The following ADAMTS16 variants were observed in gnomAD, a reference collection of about 807,000 sequenced individuals.
ADAMTS16 encodes the protein A disintegrin and metalloproteinase with thrombospondin motifs 16.
A neutral mutation model predicts 145.8 loss-of-function variants in ADAMTS16; 94 were observed. The observed-to-expected ratio is 0.64, with a 90% CI of 0.55 to 0.77. The LOEUF is 0.77. Ranked by LOEUF, ADAMTS16 falls within the 30% of genes least tolerant of loss-of-function variation. The pLI, the probability that ADAMTS16 is intolerant of heterozygous loss-of-function variation, is 0.00. For missense variants in ADAMTS16, 1,585 were observed against 1,591.5 expected, an observed-to-expected ratio of 1.00 and a Z score of 0.07; for synonymous variants, 659 against 604.3, an observed-to-expected ratio of 1.09 and a Z score of -1.33.
chr5:5,224,522 C>A (rs935148110), intron 11 of ADAMTS16, among the ~76,000 whole-genome samples: 2 of 152,162 alleles, frequency 1.3e-5, no homozygotes, highest in Non-Finnish European at 2.9e-5. Flanking sequence ...ACCCCTTGAC[C>A]TCGTGATCCA....
At chr5:5,235,925 T>A (rs1737093188) in intron 13 of ADAMTS16, among the ~76,000 whole-genome samples, 1 of 152,230 alleles carries the variant, frequency 6.6e-6, no homozygotes, top group Admixed American at 6.5e-5. Flanking sequence ...CAGTGTCAGG[T>A]TCATGCAGTT....
chr5:5,212,214 GT>G (rs563286650), intron 10 of ADAMTS16, among the ~76,000 whole-genome samples: 11 of 100,596 alleles, frequency 1.1e-4, no homozygotes, highest in Admixed American at 1.3e-4. Context: ...GTTTTGTTTT[GT>G]TTTTTTTTTT....
In ADAMTS16 at chr5:5,220,360, G is replaced by A. The variant is rs573824486; in HGVS notation, c.1606-2429G>A. Among the ~76,000 whole-genome samples, 46 of 150,182 alleles carry A rather than the reference G, an allele frequency of 3.1e-4. 1 individual carries two copies. The East Asian group carries it at 8.3e-3, about 27-fold the overall frequency. On this transcript the variant is annotated intron_variant, in intron 10 of 22. Coordinates refer to ENST00000274181, the MANE Select transcript of ADAMTS16 (RefSeq NM_139056.4). ...ATTTTTAGTAGAGACGGGTTTCACT[G>A]TGTTAGCCAGGATGATCTCGATCTC...
chr5:5,155,358 C>T (rs1178763056), intron 3 of ADAMTS16, among the ~76,000 whole-genome samples: 1 of 152,160 alleles, frequency 6.6e-6, no homozygotes, highest in African/African-American at 2.4e-5. Context: ...TTCTGTTTGG[C>T]ATTTATTATT....
chr5:5,260,080 CT>C (rs1405491400), intron 17 of ADAMTS16, among the ~76,000 whole-genome samples: 2 of 152,234 alleles, frequency 1.3e-5, no homozygotes, highest in African/African-American at 4.8e-5. Context: ...TATTGCCTTT[CT>C]GTTGCCCCAA....
chr5:5,168,628 T>A (rs1376775386), intron 3 of ADAMTS16, among the ~76,000 whole-genome samples: 1 of 85,044 alleles, frequency 1.2e-5, no homozygotes, highest in Non-Finnish European at 2.6e-5. Context: ...TATTATATTA[T>A]ATATAATATA....
intron 3 of ADAMTS16, among the ~76,000 whole-genome samples, chr5:5,151,297 T>A (rs1734450404): frequency 6.6e-6 from 1 of 151,814 alleles, no homozygotes; most frequent in Non-Finnish European, 1.5e-5. Context: ...GGAGTGCAAT[T>A]GCACAATCTC....
chr5:5,144,611 TA>T (rs1734246806), intron 2 of ADAMTS16, among the ~76,000 whole-genome samples: 1 of 152,212 alleles, frequency 6.6e-6, no homozygotes, highest in African/African-American at 2.4e-5. Flanking sequence ...CAGGTCAAAG[TA>T]TTTTGCAACT....
chr5:5,204,403 C>T (rs569545045), intron 9 of ADAMTS16, among the ~76,000 whole-genome samples: 144 of 152,142 alleles, frequency 9.5e-4, no homozygotes, highest in African/African-American at 3.3e-3. Flanking sequence ...GCATGATGAA[C>T]GCAATAGTGT....
At chr5:5,146,049 A>G in intron 2 of ADAMTS16, 81 bp from the exon 3 acceptor site, 1 of 1,257,768 alleles carries the variant, frequency 8.0e-7, no homozygotes, top group Non-Finnish European at 1.1e-6. Context: ...CATGTGGTAA[A>G]ATAATATTAT....
chr5:5,296,279 C>A (rs1739526016), intron 18 of ADAMTS16, among the ~76,000 whole-genome samples: 1 of 152,290 alleles, frequency 6.6e-6, no homozygotes, highest in East Asian at 1.9e-4. Flanking sequence ...TGTGCAGGAC[C>A]AGACAGCCTG....
At chr5:5,300,726 G>A (rs1267005103) in intron 18 of ADAMTS16, among the ~76,000 whole-genome samples, 2 of 152,134 alleles carry the variant, frequency 1.3e-5, no homozygotes, top group Admixed American at 6.5e-5. Flanking sequence ...CTCCTTCGAG[G>A]TTCTACCACC....
At chr5:5,298,290 G>A (rs976347711) in intron 18 of ADAMTS16, among the ~76,000 whole-genome samples, 2 of 152,220 alleles carry the variant, frequency 1.3e-5, no homozygotes, top group Non-Finnish European at 2.9e-5. Context: ...CATCGTGTGT[G>A]GGCACAGTGC....
rs188190346 is a variant in ADAMTS16, at chr5:5,209,207, C to T, written c.1566C>T (p.Phe522=). ...YDANTQCKWQ[F]GEKAKLCMLD... is the part of the protein sequence containing the mutation. ...CAAACACACAGTGCAAGTGGCAGTTCGGAGAGAAAGCCAAGCTCTGCATGC... is the reference window on the plus strand; with the variant it reads ...CAAACACACAGTGCAAGTGGCAGTTTGGAGAGAAAGCCAAGCTCTGCATGC... Residue 522 remains phenylalanine, a synonymous_variant, in exon 10 of 23, where the codon TTC becomes TTT. Transcript: ENST00000274181. 1.5e-5 allele frequency: 24 copies of T among 1,613,652 alleles called. No individual in the cohort carries two copies. The highest frequency in any genetic ancestry group is 4.5e-5 in the East Asian group (2 of 44,858).
At chr5:5,239,350 G>A in intron 15 of ADAMTS16, 76 bp downstream of exon 15, 2 of 1,495,290 alleles carry the variant, frequency 1.3e-6, no homozygotes, top group South Asian at 2.9e-5. Flanking sequence ...AGCTTGAGGT[G>A]ACAGTGAAAA....
chr5:5,238,612 C>T (rs543891920), intron 14 of ADAMTS16, among the ~76,000 whole-genome samples: 1 of 152,150 alleles, frequency 6.6e-6, no homozygotes, highest in East Asian at 1.9e-4. Flanking sequence ...CATATAGAGC[C>T]TATTCTCTTT....
intron 9 of ADAMTS16, among the ~76,000 whole-genome samples, chr5:5,207,711 ATT>A (rs71604112): frequency 0.16 from 23,049 of 146,836 alleles, 2,101 homozygotes; most frequent in South Asian, 0.26. Context: ...GTTTGCTGGG[ATT>A]TTTTTTTTTT....
intron 3 of ADAMTS16, among the ~76,000 whole-genome samples, chr5:5,177,126 C>T (rs1224866331): frequency 6.6e-6 from 1 of 152,200 alleles, no homozygotes. Context: ...GTGCTGATAT[C>T]ACTGCAGGAG....
At chr5:5,299,502 A>T (rs1739684295) in intron 18 of ADAMTS16, among the ~76,000 whole-genome samples, 1 of 122,018 alleles carries the variant, frequency 8.2e-6, no homozygotes. Context: ...CAAAAACCAA[A>T]ATGTCATTTT....
Sources: allele counts gnomAD v4.1 joint callset (sites outside exome capture counted in the v4.1 genomes callset), GRCh38; gene constraint gnomAD v4.1.1; transcripts MANE v1.5; gene names NCBI Gene and HGNC (gene_info 2026-07-23, HGNC 2026-07-21).